Variants in JAZF1 observed in about 807,000 individuals in gnomAD.
The protein encoded by JAZF1 is JAZF zinc finger 1.
In JAZF1, 8 loss-of-function variants were observed where a neutral mutation model predicts 26.4. That is an observed-to-expected ratio of 0.30 (90% CI 0.18 to 0.55). The LOEUF is 0.55. Ranked by LOEUF, JAZF1 falls within the 20% of genes least tolerant of loss-of-function variation. The pLI is 0.94. For synonymous variants in JAZF1, 126 were observed against 122.3 expected, an observed-to-expected ratio of 1.03 and a Z score of -0.20; for missense variants, 199 against 322.0, an observed-to-expected ratio of 0.62 and a Z score of 2.92.
At chr7:28,115,752 A>T (rs933805490) in intron 1 of JAZF1, among the ~76,000 whole-genome samples, 3 of 152,088 alleles carry the variant, frequency 2.0e-5, no homozygotes, top group Admixed American at 1.3e-4. Context: ...TATCCATGCT[A>T]TCCCCCACCT....
At chr7:27,962,778 G>A (rs1301908244) in intron 2 of JAZF1, among the ~76,000 whole-genome samples, 1 of 152,172 alleles carries the variant, frequency 6.6e-6, no homozygotes, top group Non-Finnish European at 1.5e-5. Flanking sequence ...AGCAAGAAAA[G>A]CAGTTGTTTT....
intron 3 of JAZF1, among the ~76,000 whole-genome samples, chr7:27,889,753 A>C (rs1444891132): frequency 1.3e-5 from 2 of 152,046 alleles, no homozygotes; most frequent in Non-Finnish European, 2.9e-5. Context: ...CCAATATGGC[A>C]AAAACCCACC....
intron 1 of JAZF1, among the ~76,000 whole-genome samples, chr7:28,005,676 C>T (rs931489696): frequency 3.3e-5 from 5 of 152,176 alleles, no homozygotes; most frequent in Non-Finnish European, 7.3e-5. Context: ...GTTCCTGATT[C>T]TGTGCAAGTT....
intron 1 of JAZF1, among the ~76,000 whole-genome samples, chr7:28,155,235 C>A (rs1320435408): frequency 1.3e-5 from 2 of 152,146 alleles, no homozygotes; most frequent in Non-Finnish European, 2.9e-5. Context: ...TCCTTTTACT[C>A]AATTTCAGGG....
intron 1 of JAZF1, among the ~76,000 whole-genome samples, chr7:28,162,546 T>C (rs747830247): frequency 1.3e-5 from 2 of 152,224 alleles, no homozygotes; most frequent in South Asian, 4.1e-4. Context: ...AGCTGAAACA[T>C]TTACAATACC....
intron 3 of JAZF1, among the ~76,000 whole-genome samples, chr7:27,853,408 G>A (rs1391810070): frequency 2.0e-5 from 3 of 152,218 alleles, no homozygotes; most frequent in Non-Finnish European, 2.9e-5. Flanking sequence ...GGCTGTGCAC[G>A]TGAGGTTCAC....
chr7:27,991,398 TG>T (rs952697200), intron 2 of JAZF1, among the ~76,000 whole-genome samples: 3 of 152,304 alleles, frequency 2.0e-5, no homozygotes, highest in African/African-American at 7.2e-5. Context: ...GCTCTGAAGT[TG>T]GGCTCACATG....
chr7:28,090,810 T>C (rs1454453692), intron 1 of JAZF1, among the ~76,000 whole-genome samples: 2 of 150,366 alleles, frequency 1.3e-5, no homozygotes, highest in Non-Finnish European at 2.9e-5. Context: ...CAGACTTTTT[T>C]TTAGTTGTTT....
At chr7:27,995,952 C>T (rs1319019938) in intron 1 of JAZF1, among the ~76,000 whole-genome samples, 9 of 152,130 alleles carry the variant, frequency 5.9e-5, no homozygotes, top group African/African-American at 2.2e-4. Flanking sequence ...ACTGGAACTG[C>T]AACGTGACCA....
chr7:28,129,067 A>C (rs1454513241), intron 1 of JAZF1, among the ~76,000 whole-genome samples: 1 of 151,956 alleles, frequency 6.6e-6, no homozygotes, highest in Non-Finnish European at 1.5e-5. Flanking sequence ...TTGACCCTTC[A>C]TGGCCAGCTG....
intron 3 of JAZF1, among the ~76,000 whole-genome samples, chr7:27,856,438 T>C (rs985285128): frequency 1.3e-5 from 2 of 152,186 alleles, no homozygotes; most frequent in Admixed American, 1.3e-4. Context: ...GTTTCCACAC[T>C]GTGGAAAGGG....
intron 1 of JAZF1, among the ~76,000 whole-genome samples, chr7:28,070,977 A>G (rs1783966326): frequency 6.6e-6 from 1 of 152,340 alleles, no homozygotes. Context: ...ACTGAAATGA[A>G]AACTGTGAAT....
chr7:28,052,572 T>C (rs1783633507), intron 1 of JAZF1, among the ~76,000 whole-genome samples: 2 of 152,212 alleles, frequency 1.3e-5, no homozygotes, highest in South Asian at 4.1e-4. Flanking sequence ...ACAACAGGAA[T>C]TGCAGAAGTA....
intron 2 of JAZF1, among the ~76,000 whole-genome samples, chr7:27,960,971 GAGCAGGCAGTGCAGA>G (rs1459604458): frequency 9.2e-5 from 14 of 152,200 alleles, no homozygotes; most frequent in Non-Finnish European, 1.9e-4. Context: ...GAGCATGTGA[GAGCAGGCAGTGCAGA>G]AGCAAATGGA....
At chr7:28,091,592 T>A (rs1169647511) in intron 1 of JAZF1, among the ~76,000 whole-genome samples, 1 of 148,444 alleles carries the variant, frequency 6.7e-6, no homozygotes, top group Non-Finnish European at 1.5e-5. Context: ...TCAATGTAAG[T>A]TAAATATACA....
intron 2 of JAZF1, among the ~76,000 whole-genome samples, chr7:27,967,516 A>C (rs1165519546): frequency 2.0e-5 from 3 of 152,220 alleles, no homozygotes; most frequent in Admixed American, 2.0e-4. Flanking sequence ...TACTCAGATC[A>C]ATCAGGGTCA....
chr7:28,052,405 T>A (rs778014349), intron 1 of JAZF1, among the ~76,000 whole-genome samples: 6 of 152,214 alleles, frequency 3.9e-5, no homozygotes, highest in Non-Finnish European at 8.8e-5. Context: ...TGATAATTGA[T>A]ATGCAGGTGT....
intron 2 of JAZF1, among the ~76,000 whole-genome samples, chr7:27,913,194 C>T (rs1371135572): frequency 1.3e-5 from 2 of 150,394 alleles, no homozygotes; most frequent in Non-Finnish European, 3.0e-5. Flanking sequence ...GAACAGCATA[C>T]ATTAAAAAAA....
At chr7:28,116,475 C>G (rs575144291) in intron 1 of JAZF1, among the ~76,000 whole-genome samples, 1 of 152,166 alleles carries the variant, frequency 6.6e-6, no homozygotes, top group Non-Finnish European at 1.5e-5. Context: ...GACAGAGTCT[C>G]GCCCTGTCAC....
Sources: gnomAD v4.1 joint callset for allele counts (sites outside exome capture counted in the v4.1 genomes callset) on GRCh38, gnomAD v4.1.1 for gene constraint, MANE v1.5 for transcripts, NCBI Gene and HGNC (gene_info 2026-07-23, HGNC 2026-07-21) for gene names.